The following DGKB variants were observed in gnomAD, a reference collection of about 807,000 sequenced individuals.
The protein encoded by DGKB is diacylglycerol kinase beta, also known as 90 kDa diacylglycerol kinase.
In DGKB, 67 loss-of-function variants were observed where a neutral mutation model predicts 114.3. That is an observed-to-expected ratio of 0.59 (90% CI 0.48 to 0.72). The LOEUF is 0.72. Among genes scored for constraint, DGKB ranks in the 30% least tolerant of loss-of-function variants. The pLI, the probability that DGKB is intolerant of heterozygous loss-of-function variation, is 0.00. For synonymous variants in DGKB, 398 were observed against 323.1 expected, an observed-to-expected ratio of 1.23 and a Z score of -2.49; for missense variants, 907 against 975.2, an observed-to-expected ratio of 0.93 and a Z score of 0.93.
At chr7:14,435,248 A>T (rs955740150) in intron 21 of DGKB, among the ~76,000 whole-genome samples, 4 of 152,146 alleles carry the variant, frequency 2.6e-5, no homozygotes, top group Admixed American at 2.6e-4. Flanking sequence ...GAAAGACTAT[A>T]ATCACAACTA....
chr7:14,612,881 A>G (rs1156934815), intron 16 of DGKB, among the ~76,000 whole-genome samples: 1 of 152,160 alleles, frequency 6.6e-6, no homozygotes, highest in African/African-American at 2.4e-5. Flanking sequence ...TTCAGATTAA[A>G]TATATTGTAC....
intron 1 of DGKB, among the ~76,000 whole-genome samples, chr7:14,885,424 T>C (rs1854887627): frequency 6.6e-6 from 1 of 151,802 alleles, no homozygotes; most frequent in African/African-American, 2.4e-5. Context: ...GAGAAAGCAA[T>C]GTTTCTTGGA....
chr7:14,259,401 C>A (rs1416052373), intron 23 of DGKB, among the ~76,000 whole-genome samples: 4 of 102,760 alleles, frequency 3.9e-5, no homozygotes, highest in East Asian at 4.4e-4. Context: ...CTCTCTCTCT[C>A]TCTCTCTATA....
intron 23 of DGKB, among the ~76,000 whole-genome samples, chr7:14,197,746 T>C (rs751653036): frequency 6.6e-6 from 1 of 152,168 alleles, no homozygotes; most frequent in African/African-American, 2.4e-5. Flanking sequence ...ACAAATATTA[T>C]TAGAAAGGTC....
chr7:14,786,809 G>A (rs1839966014), intron 2 of DGKB, among the ~76,000 whole-genome samples: 1 of 152,232 alleles, frequency 6.6e-6, no homozygotes, highest in Non-Finnish European at 1.5e-5. Context: ...AAGCCAAGGG[G>A]CCACTGAGGA....
chr7:14,682,818 G>T lies in DGKB; in HGVS notation c.853C>A (p.Arg285Ser). Residue 285 changes from arginine to serine, a missense_variant, in exon 11 of 26, where the codon CGC (arginine) becomes AGC (serine). Physicochemically the swap from Arg to Ser is moderately radical, Grantham distance 110 (BLOSUM62 -1). This residue lies in a region of DGKB where 814 missense variants were observed against 856.6 expected (regional missense o/e 0.95). Transcript: ENST00000402815. ...CSFCKYTVHE[R>S]CVARAPPSCI... ...GAGGGAGGTGCTCGAGCCACACAGC[G>T]CTCATGGACTGTGTACTTGCAGACT... 6.3e-7 allele frequency: 1 copy of T among 1,597,458 alleles called. No individual in the cohort carries two copies. The highest frequency in any genetic ancestry group is 8.5e-7 in the Non-Finnish European group (1 of 1,171,146).
intron 21 of DGKB, among the ~76,000 whole-genome samples, chr7:14,392,989 G>GTTTT (rs776845811): frequency 3.0e-4 from 3 of 10,166 alleles, no homozygotes; most frequent in Non-Finnish European, 4.9e-4. Flanking sequence ...CCTGTTTTTT[G>GTTTT]TTTTTGTTTT....
At chr7:14,707,321 A>G (rs1160227368) in intron 6 of DGKB, among the ~76,000 whole-genome samples, 1 of 150,240 alleles carries the variant, frequency 6.7e-6, no homozygotes, top group Non-Finnish European at 1.5e-5. Flanking sequence ...TGTGGCAATA[A>G]TCAATAGTTT....
intron 2 of DGKB, among the ~76,000 whole-genome samples, chr7:14,774,064 T>G (rs769998575): frequency 2.4e-4 from 36 of 152,150 alleles, no homozygotes; most frequent in Non-Finnish European, 4.6e-4. Flanking sequence ...ACTCCATTAG[T>G]GTTATTTATT....
intron 23 of DGKB, among the ~76,000 whole-genome samples, chr7:14,280,124 A>G (rs1799709179): frequency 6.6e-6 from 1 of 151,526 alleles, no homozygotes; most frequent in Non-Finnish European, 1.5e-5. Flanking sequence ...AAAATTTAGA[A>G]GAATGTATAA....
At chr7:14,454,452 A>C (rs1323109402) in intron 21 of DGKB, among the ~76,000 whole-genome samples, 6 of 152,130 alleles carry the variant, frequency 3.9e-5, no homozygotes, top group Non-Finnish European at 7.4e-5. Flanking sequence ...CAATAGTTGC[A>C]GTAACTCTGT....
chr7:14,616,319 A>G (rs1367944400), intron 15 of DGKB, among the ~76,000 whole-genome samples: 1 of 150,976 alleles, frequency 6.6e-6, no homozygotes, highest in African/African-American at 2.4e-5. Flanking sequence ...TATTGGGACA[A>G]CTGATGAAAC....
chr7:14,636,668 T>A (rs919894301), intron 13 of DGKB, among the ~76,000 whole-genome samples: 1 of 151,822 alleles, frequency 6.6e-6, no homozygotes, highest in African/African-American at 2.4e-5. Flanking sequence ...TCCATAAATA[T>A]GTCATCATCA....
intron 21 of DGKB, among the ~76,000 whole-genome samples, chr7:14,468,677 C>G (rs1299068290): frequency 6.7e-6 from 1 of 149,724 alleles, no homozygotes; most frequent in Non-Finnish European, 1.5e-5. Context: ...TGTAGGCATA[C>G]AAGCTACAAC....
chr7:14,879,422 A>C (rs1239489673), intron 1 of DGKB, among the ~76,000 whole-genome samples: 1 of 152,158 alleles, frequency 6.6e-6, no homozygotes, highest in Non-Finnish European at 1.5e-5. Context: ...ATATAAAAAA[A>C]CACTTTGCTT....
chr7:14,167,331 G>A (rs1428888341), intron 25 of DGKB, among the ~76,000 whole-genome samples: 1 of 151,938 alleles, frequency 6.6e-6, no homozygotes, highest in Non-Finnish European at 1.5e-5. Flanking sequence ...ACTAGAGAAA[G>A]TATGTTCCCA....
intron 21 of DGKB, among the ~76,000 whole-genome samples, chr7:14,400,649 G>T (rs1212658387): frequency 6.6e-6 from 1 of 151,050 alleles, no homozygotes; most frequent in Non-Finnish European, 1.5e-5. Flanking sequence ...AAGTGAATGC[G>T]TTTTATGTAA....
chr7:14,357,704 T>A lies in DGKB; in HGVS notation c.1836-12313A>T, dbSNP rs6958179. On this transcript the variant is annotated intron_variant, in intron 21 of 25. Coordinates refer to ENST00000402815, the MANE Select transcript of DGKB (RefSeq NM_001350709.2). ...TTCTTCATAGCATTGATGGTCTTTA[T>A]AATTTGACATGTTTTTGCAGTGGCT... Among the ~76,000 whole-genome samples, 1,198 of 152,290 alleles carry A rather than the reference T, an allele frequency of 7.9e-3. 16 individuals are homozygous for A. Among genetic ancestry groups the A allele is most frequent in the African/African-American group, 0.028 (1,151 of 41,560 alleles).
chr7:14,838,913 T>C (rs1008724370), intron 2 of DGKB, among the ~76,000 whole-genome samples: 3 of 152,182 alleles, frequency 2.0e-5, no homozygotes, highest in Non-Finnish European at 4.4e-5. Flanking sequence ...CTTCCTCAAA[T>C]TTATGCCAAA....
Sources: allele counts gnomAD v4.1 joint callset (sites outside exome capture counted in the v4.1 genomes callset), GRCh38; gene constraint gnomAD v4.1.1; regional missense constraint gnomAD v4.1.1; transcripts MANE v1.5; gene names NCBI Gene and HGNC (gene_info 2026-07-23, HGNC 2026-07-21).